The following MCC variants were observed in gnomAD, a reference collection of about 807,000 sequenced individuals.
The protein encoded by MCC is colorectal mutant cancer protein.
In MCC, 90 loss-of-function variants were observed where a neutral mutation model predicts 116.2. The observed-to-expected ratio is 0.77, with a 90% CI of 0.65 to 0.92. The LOEUF (loss-of-function observed/expected upper bound fraction) is 0.92, where lower values mean the gene tolerates loss of function less well. Among genes scored for constraint, MCC ranks in the 40% least tolerant of loss-of-function variants. The pLI is 0.00. For synonymous variants in MCC, 578 were observed against 510.5 expected, an observed-to-expected ratio of 1.13 and a Z score of -1.78; for missense variants, 1,516 against 1,312.2, an observed-to-expected ratio of 1.16 and a Z score of -2.40.
At position 113,193,362 on chromosome 5, in the gene MCC, G is replaced by T. The variant is rs145267467; in HGVS notation, c.628-41940C>A. Reference sequence around the variant, plus strand: ...GATTAGGACATGGACCTCTTGGGGTGGGGGTGGGCAGGCATTCAACCCAAC... The same window carrying T: ...GATTAGGACATGGACCTCTTGGGGTTGGGGTGGGCAGGCATTCAACCCAAC... On this transcript the variant is annotated intron_variant, in intron 3 of 18. Transcript: ENST00000408903. Among the ~76,000 whole-genome samples, 45 of 152,058 alleles carry T rather than the reference G, an allele frequency of 3.0e-4. No homozygotes were observed. The East Asian group carries it at 7.7e-3, about 26-fold the overall frequency.
intron 3 of MCC, chr5:113,295,046 C>T (rs775345079): frequency 1.5e-6 from 1 of 672,858 alleles, no homozygotes; most frequent in Non-Finnish European, 1.8e-6. Flanking sequence ...GGAGGCCGAG[C>T]AGAGGAGACC....
chr5:113,386,754 C>CAT (rs10673164), intron 1 of MCC, among the ~76,000 whole-genome samples: 7,823 of 141,018 alleles, frequency 0.055, 542 homozygotes, highest in African/African-American at 0.16. Context: ...ATATGTATAT[C>CAT]ATATATATAT....
chr5:113,297,482 T>C (rs1766742916), intron 3 of MCC, among the ~76,000 whole-genome samples: 1 of 151,890 alleles, frequency 6.6e-6, no homozygotes, highest in African/African-American at 2.4e-5. Flanking sequence ...GGAGAATCGC[T>C]TGAACCTGGG....
intron 3 of MCC, among the ~76,000 whole-genome samples, chr5:113,301,291 C>T (rs992747984): frequency 2.0e-5 from 3 of 152,054 alleles, no homozygotes; most frequent in Non-Finnish European, 2.9e-5. Context: ...CATGGAGAAA[C>T]CCCATCTCTA....
intron 3 of MCC, among the ~76,000 whole-genome samples, chr5:113,179,022 AAT>A (rs1408887776): frequency 1.3e-5 from 2 of 152,216 alleles, no homozygotes; most frequent in Non-Finnish European, 2.9e-5. Flanking sequence ...CAGAAGTCAT[AAT>A]TTACTGTTAA....
At chr5:113,104,067 T>C (rs1435148551) in intron 7 of MCC, 125 bp downstream of exon 7, 2 of 1,007,492 alleles carry the variant, frequency 2.0e-6, no homozygotes, top group East Asian at 2.6e-5. Context: ...CTCAATCTAT[T>C]GTATGGCTCT....
In MCC at chr5:113,025,488, A is replaced by T. The variant is rs1178753649; in HGVS notation, c.*1814T>A. 6.7e-6 allele frequency: 1 copy of T among 149,830 alleles called. No homozygotes were observed. Among genetic ancestry groups the T allele is most frequent in the African/African-American group, 2.5e-5 (1 of 40,674 alleles). 9.3% of individuals were successfully genotyped at this position (149,830 alleles called of 1,614,324 possible). ...AAAAATACAAAAAAACTAGCTGGGTATGGTGGCGGGCACCTGTAATTCCAG... is the reference window on the plus strand; with the variant it reads ...AAAAATACAAAAAAACTAGCTGGGTTTGGTGGCGGGCACCTGTAATTCCAG... On this transcript the variant is annotated 3_prime_UTR_variant, in exon 19 of 19. Coordinates refer to ENST00000408903, the MANE Select transcript of MCC (RefSeq NM_001085377.2).
At chr5:113,282,272 C>A (rs1561504504) in intron 3 of MCC, among the ~76,000 whole-genome samples, 1 of 152,194 alleles carries the variant, frequency 6.6e-6, no homozygotes, top group Non-Finnish European at 1.5e-5. Context: ...AATATGTCAT[C>A]ACTGCTAGCT....
At chr5:113,328,891 C>T (rs985738857) in intron 3 of MCC, among the ~76,000 whole-genome samples, 3 of 152,186 alleles carry the variant, frequency 2.0e-5, no homozygotes, top group African/African-American at 7.2e-5. Context: ...TGAGACAGCA[C>T]TGCACCCTGT....
At chr5:113,358,741 G>A (rs764466480) in intron 2 of MCC, among the ~76,000 whole-genome samples, 1 of 152,182 alleles carries the variant, frequency 6.6e-6, no homozygotes, top group Non-Finnish European at 1.5e-5. Context: ...GGTGTCAGCT[G>A]TCCCTGTCAC....
chr5:113,291,201 T>G (rs1468909417), intron 3 of MCC, among the ~76,000 whole-genome samples: 1 of 152,174 alleles, frequency 6.6e-6, no homozygotes, highest in African/African-American at 2.4e-5. Context: ...AAACACCTCA[T>G]GCCCAACACC....
chr5:113,169,409 C>T (rs191116290), intron 3 of MCC, among the ~76,000 whole-genome samples: 2 of 152,084 alleles, frequency 1.3e-5, no homozygotes, highest in Non-Finnish European at 2.9e-5. Flanking sequence ...CTTAATCTTG[C>T]ATAGTCTCCT....
rs1750590594 is a variant in MCC at position 113,026,941 on chromosome 5, T to C, written c.*361A>G. On this transcript the variant is annotated 3_prime_UTR_variant, in exon 19 of 19. Transcript: ENST00000408903. ...AGCATCTACCAAAAAGAGGATACAA[T>C]GGAAAATCTTACAGAAACAAATGTC... 4.7e-6 allele frequency: 1 copy of C among 211,090 alleles called. No individual in the cohort carries two copies. Among genetic ancestry groups the C allele is most frequent in the African/African-American group, 2.3e-5 (1 of 43,524 alleles). 13.1% of individuals were successfully genotyped at this position (211,090 alleles called of 1,614,324 possible). A position where few individuals can be genotyped will look rare whatever the true frequency, so the allele number is the denominator to read the frequency against.
chr5:113,248,836 T>C (rs867477205), intron 3 of MCC, among the ~76,000 whole-genome samples: 7 of 149,232 alleles, frequency 4.7e-5, no homozygotes, highest in Admixed American at 1.4e-4. Flanking sequence ...TCTCTTCTTT[T>C]TTTTTTTTTG....
chr5:113,089,617 A>G (rs899145338), intron 8 of MCC, among the ~76,000 whole-genome samples: 1 of 152,226 alleles, frequency 6.6e-6, no homozygotes, highest in African/African-American at 2.4e-5. Context: ...GAGTGGCACT[A>G]TCTGCTATGG....
At chr5:113,059,660 T>A (rs1179599245) in intron 14 of MCC, among the ~76,000 whole-genome samples, 1 of 152,238 alleles carries the variant, frequency 6.6e-6, no homozygotes, top group Non-Finnish European at 1.5e-5. Flanking sequence ...TTGCTCTGGC[T>A]TCTTGAGGAG....
intron 5 of MCC, among the ~76,000 whole-genome samples, chr5:113,140,732 G>A (rs56216225): frequency 6.6e-6 from 1 of 152,078 alleles, no homozygotes; most frequent in African/African-American, 2.4e-5. Context: ...ATTCTTAACT[G>A]AGGCCAGATT....
rs1406352697 is a variant in MCC, at chr5:113,022,910, T to G, written c.*4392A>C. 1.3e-5 allele frequency: 2 copies of G among 152,034 alleles called. No homozygotes were observed. Among genetic ancestry groups the G allele is most frequent in the African/African-American group, 4.8e-5 (2 of 41,394 alleles). The allele number at this position is 152,034 out of a possible 1,614,324, so 9.4% of individuals were successfully genotyped here. On this transcript the variant is annotated 3_prime_UTR_variant, in exon 19 of 19. Transcript: ENST00000408903. ...TCACATGCAAAATCTCACCCAGATG[T>G]AATGTGATAAACAAACAGTTTACCC...
At chr5:113,126,879 T>A (rs1385267476) in intron 5 of MCC, among the ~76,000 whole-genome samples, 1 of 152,216 alleles carries the variant, frequency 6.6e-6, no homozygotes, top group African/African-American at 2.4e-5. Flanking sequence ...TGGGGTTTTT[T>A]AAACTCTTAT....
Sources: gnomAD v4.1 joint callset for allele counts (sites outside exome capture counted in the v4.1 genomes callset) on GRCh38, gnomAD v4.1.1 for gene constraint, MANE v1.5 for transcripts, NCBI Gene and HGNC (gene_info 2026-07-23, HGNC 2026-07-21) for gene names.